TAF4B: variants seen among roughly 807,000 people sequenced by gnomAD.
TAF4B encodes the protein TATA-box binding protein associated factor 4b, also known as transcription initiation factor TFIID subunit 4B.
A neutral mutation model predicts 86.4 loss-of-function variants in TAF4B; 38 were observed. The observed-to-expected ratio is 0.44, with a 90% CI of 0.34 to 0.58. The LOEUF (loss-of-function observed/expected upper bound fraction) is 0.58, where lower values mean the gene tolerates loss of function less well. Ranked by LOEUF, TAF4B falls within the 20% of genes least tolerant of loss-of-function variation. The pLI is 0.02. For synonymous variants in TAF4B, 388 were observed against 391.2 expected (o/e 0.99, Z 0.10); for missense variants, 988 against 1,027.6 (o/e 0.96, Z 0.53).
At chr18:26,285,227 T>TTTTTTTTTTTTTG (rs2056504101) in intron 6 of TAF4B, among the ~76,000 whole-genome samples, 1 of 125,108 alleles carries the variant, frequency 8.0e-6, no homozygotes, top group Admixed American at 8.2e-5. Flanking sequence ...TTTTTGTTTT[T>TTTTTTTTTTTTTG]TTTTTTTTTG....
intron 13 of TAF4B, among the ~76,000 whole-genome samples, chr18:26,342,509 T>C (rs2057144546): frequency 6.6e-6 from 1 of 152,218 alleles, no homozygotes; most frequent in African/African-American, 2.4e-5. Context: ...TTGAAAATTA[T>C]GTGCTTAGCA....
At chr18:26,255,761 T>G in intron 1 of TAF4B, 5 of 1,569,338 alleles carry the variant, frequency 3.2e-6, no homozygotes, top group East Asian at 2.2e-5. Flanking sequence ...CGGCAGCTGC[T>G]TTCTTATTGC....
chr18:26,242,486 G>T (rs918640427), intron 1 of TAF4B, among the ~76,000 whole-genome samples: 1 of 152,038 alleles, frequency 6.6e-6, no homozygotes, highest in Non-Finnish European at 1.5e-5. Flanking sequence ...GTCTCTGCAC[G>T]TGAGATGGGT....
chr18:26,244,112 A>G (rs1361379533), intron 1 of TAF4B, among the ~76,000 whole-genome samples: 3 of 152,200 alleles, frequency 2.0e-5, no homozygotes, highest in African/African-American at 7.2e-5. Context: ...GCTGTCCGAC[A>G]GGGATGTTTA....
At chr18:26,386,406 G>C (rs1039320274) in intron 14 of TAF4B, among the ~76,000 whole-genome samples, 2 of 151,850 alleles carry the variant, frequency 1.3e-5, no homozygotes, top group African/African-American at 4.8e-5. Context: ...CAAGGTTTTT[G>C]GGGTAGCAAT....
chr18:26,306,486 A>G (rs1273488048), intron 9 of TAF4B, among the ~76,000 whole-genome samples: 1 of 152,210 alleles, frequency 6.6e-6, no homozygotes, highest in African/African-American at 2.4e-5. Context: ...CGTCTATGAA[A>G]GCTTACAATG....
At chr18:26,285,240 G>T (rs2056505354) in intron 6 of TAF4B, among the ~76,000 whole-genome samples, 1 of 12,334 alleles carries the variant, frequency 8.1e-5, no homozygotes, top group Non-Finnish European at 1.4e-3. Context: ...TTTTTTTGGA[G>T]ATGGGGTCTT....
intron 1 of TAF4B, among the ~76,000 whole-genome samples, chr18:26,227,856 T>C (rs12454801): frequency 0.083 from 12,623 of 152,252 alleles, 601 homozygotes; most frequent in Middle Eastern, 0.13. Context: ...GAAAGAGATT[T>C]TTAAATTTAA....
chr18:26,290,009 G>A (rs975305533), intron 7 of TAF4B, among the ~76,000 whole-genome samples: 1 of 152,186 alleles, frequency 6.6e-6, no homozygotes, highest in Admixed American at 6.5e-5. Context: ...ACTAACTGGT[G>A]TCAGCCTAAA....
chr18:26,309,162 G>A (rs1259993793), intron 9 of TAF4B, among the ~76,000 whole-genome samples: 3 of 147,100 alleles, frequency 2.0e-5, no homozygotes, highest in Admixed American at 6.9e-5. Context: ...GGAACTATAA[G>A]TATATATAGA....
chr18:26,344,543 G>GT (rs2057161311), intron 13 of TAF4B, among the ~76,000 whole-genome samples: 1 of 152,160 alleles, frequency 6.6e-6, no homozygotes, highest in Non-Finnish European at 1.5e-5. Flanking sequence ...CAGAGTTGCT[G>GT]TAAGACTATT....
chr18:26,298,378 G>A (rs768313368), intron 9 of TAF4B, among the ~76,000 whole-genome samples: 11 of 151,674 alleles, frequency 7.3e-5, no homozygotes, highest in Non-Finnish European at 1.5e-4. Context: ...ATAGGCGCCC[G>A]CAACCACACT....
rs182099262 is a variant in TAF4B at position 26,255,819 on chromosome 18, C to T, written c.344-9351C>T. On this transcript the variant is annotated intron_variant, in intron 1 of 14. Transcript: ENST00000269142. ...TGTGTCAATGAGAACTTCCCCAAAA[C>T]GGCCTTTATAGATGATCCCACAACA... 1.1e-4 allele frequency: 160 copies of T among 1,446,676 alleles called. No homozygotes were observed. The East Asian group carries it at 3.1e-3, about 28-fold the overall frequency. 89.6% of individuals were successfully genotyped at this position (1,446,676 alleles called of 1,614,324 possible). A position where few individuals can be genotyped will look rare whatever the true frequency, so the allele number is the denominator to read the frequency against.
At chr18:26,246,405 G>A (rs1294624683) in intron 1 of TAF4B, among the ~76,000 whole-genome samples, 1 of 152,200 alleles carries the variant, frequency 6.6e-6, no homozygotes, top group Non-Finnish European at 1.5e-5. Flanking sequence ...TAATGGGCTT[G>A]TAGGGTTGGC....
At chr18:26,335,588 A>T (rs2057084298) in intron 13 of TAF4B, among the ~76,000 whole-genome samples, 1 of 152,192 alleles carries the variant, frequency 6.6e-6, no homozygotes, top group Non-Finnish European at 1.5e-5. Context: ...TCGTTTTGTA[A>T]ATCTGATACT....
At position 26,293,431 on chromosome 18, in the gene TAF4B, A is replaced by G; in HGVS notation, c.1732A>G (p.Ile578Val). ...TTCTTGTTTTGTTTTTATAGCTTCC[A>G]TTCTAAAGCAAATTACTCTGCCTGG... ...IPTSQFPPAS[I>V]LKQITLPGNK... The change falls in exon 9 of 15, where the codon ATT becomes GTT. Residue 578 changes from isoleucine (I) to valine (V), a missense_variant. Around this residue, in one of 3 missense-constraint regions of TAF4B, gnomAD observed 747 missense variants for 737.9 expected, o/e 1.01. Coordinates refer to ENST00000269142, the MANE Select transcript of TAF4B (RefSeq NM_005640.3). The G allele has an allele frequency of 6.3e-7, 1 of 1,591,842 alleles. No individual in the cohort carries two copies. The highest frequency in any genetic ancestry group is 1.4e-5 in the African/African-American group (1 of 73,776).
intron 1 of TAF4B, among the ~76,000 whole-genome samples, chr18:26,257,099 G>C (rs1049913724): frequency 6.6e-6 from 1 of 152,086 alleles, no homozygotes; most frequent in African/African-American, 2.4e-5. Flanking sequence ...ATCTGAGTTA[G>C]GTTTAGTTGG....
intron 12 of TAF4B, among the ~76,000 whole-genome samples, chr18:26,327,806 G>A (rs1345179865): frequency 2.6e-5 from 4 of 152,178 alleles, no homozygotes; most frequent in Non-Finnish European, 5.9e-5. Flanking sequence ...GGTTGGTCTT[G>A]GAACTCCGAC....
In TAF4B at chr18:26,357,749, A is replaced by G; in HGVS notation, c.2376A>G (p.Ala792=). Residue 792 remains alanine, a synonymous_variant, in exon 14 of 15, where the codon GCA becomes GCG. Coordinates refer to ENST00000269142, the MANE Select transcript of TAF4B (RefSeq NM_005640.3). ...GAGACGCTAATCTCACAGCTCTTGCAGCTATTGGACCAAGGAAGAAGAGAC... is the reference window on the plus strand; with the variant it reads ...GAGACGCTAATCTCACAGCTCTTGCGGCTATTGGACCAAGGAAGAAGAGAC... ...QHRDANLTAL[A]AIGPRKKRPL... is the part of the protein sequence containing the mutation. The G allele has an allele frequency of 6.2e-7, 1 of 1,613,380 alleles. No homozygotes were observed. The highest frequency in any genetic ancestry group is 8.5e-7 in the Non-Finnish European group (1 of 1,179,620).
Sources: gnomAD v4.1 joint callset for allele counts (sites outside exome capture counted in the v4.1 genomes callset) on GRCh38, gnomAD v4.1.1 for gene constraint, gnomAD v4.1.1 regional missense constraint, MANE v1.5 for transcripts, NCBI Gene and HGNC (gene_info 2026-07-23, HGNC 2026-07-21) for gene names.